The following DNAH10 variants were observed in gnomAD, a reference collection of about 807,000 sequenced individuals.
DNAH10 encodes axonemal beta dynein heavy chain 10.
Under a neutral mutation model 506.6 loss-of-function variants are expected in DNAH10, and 348 were observed. The observed-to-expected ratio is 0.69, with a 90% CI of 0.63 to 0.75. The LOEUF (loss-of-function observed/expected upper bound fraction) is 0.75. Ranked by LOEUF, DNAH10 falls within the 30% of genes least tolerant of loss-of-function variation. DNAH10 has a pLI of 0.00. For synonymous variants in DNAH10, 2,059 were observed against 2,198.6 expected, an observed-to-expected ratio of 0.94 and a Z score of 1.78; for missense variants, 5,179 against 5,787.1, an observed-to-expected ratio of 0.89 and a Z score of 3.41.
At position 123,913,004 on chromosome 12, in the gene DNAH10, G is replaced by C. The variant is rs1038624222; in HGVS notation, c.10135-94G>C. On this transcript the variant is annotated intron_variant, in intron 59 of 78. Coordinates refer to ENST00000673944, the MANE Select transcript of DNAH10 (RefSeq NM_001372106.1). The surrounding 1 kb of genome is among the most constrained non-coding windows in gnomAD (Gnocchi z 5.1). ...GCTCTGAAAAGCACAGACACCATTA[G>C]AGCAGTTTAGACATGTGGCCTGGTT... 1.7e-6 allele frequency: 2 copies of C among 1,183,968 alleles called. No homozygotes were observed. Among genetic ancestry groups the C allele is most frequent in the South Asian group, 3.0e-5 (2 of 67,064 alleles). 73.3% of individuals were successfully genotyped at this position (1,183,968 alleles called of 1,614,324 possible).
chr12:123,835,546 A>C lies in DNAH10; in HGVS notation c.4902+18A>C, dbSNP rs1244508034. 1 of 1,601,278 alleles carries C rather than the reference A, an allele frequency of 6.2e-7. No individual in the cohort carries two copies. The highest frequency in any genetic ancestry group is 1.1e-5 in the South Asian group (1 of 88,186). ...TTAAAAGGGCAAGTGACTCGCTTCT[A>C]TTTTAGTAATGAAAGAAGGGCAGCG... is the stretch of plus-strand genomic sequence containing the variant. On this transcript the variant is annotated intron_variant, in intron 28 of 78. Coordinates refer to ENST00000673944, the MANE Select transcript of DNAH10 (RefSeq NM_001372106.1).
At chr12:123,794,250 T>G (rs1031752320) in intron 12 of DNAH10, 138 bp downstream of exon 12, 9 of 559,748 alleles carry the variant, frequency 1.6e-5, no homozygotes, top group Non-Finnish European at 2.2e-5. Context: ...TGTTACGTAA[T>G]ACACGTAACC....
intron 25 of DNAH10, among the ~76,000 whole-genome samples, chr12:123,829,353 C>A (rs897026087): frequency 2.0e-5 from 3 of 152,176 alleles, no homozygotes; most frequent in Middle Eastern, 3.2e-3. Flanking sequence ...ACCTCTGGGG[C>A]ACTTGCACAG....
intron 56 of DNAH10, among the ~76,000 whole-genome samples, chr12:123,901,407 G>C (rs1216727509): frequency 6.6e-6 from 1 of 152,232 alleles, no homozygotes; most frequent in Non-Finnish European, 1.5e-5. Flanking sequence ...TGCTGCCCCA[G>C]GGACAAGTAG....
At chr12:123,779,136 C>A (rs763154487) in intron 5 of DNAH10, among the ~76,000 whole-genome samples, 4 of 152,078 alleles carry the variant, frequency 2.6e-5, no homozygotes, top group Non-Finnish European at 5.9e-5. Flanking sequence ...ATCTCCTGAC[C>A]TCGCGATTCA....
At chr12:123,855,755 G>T (rs939907959) in intron 36 of DNAH10, among the ~76,000 whole-genome samples, 2 of 150,938 alleles carry the variant, frequency 1.3e-5, no homozygotes, top group Admixed American at 1.3e-4. Context: ...ATACCCCTCT[G>T]TAAGGTGGGG....
rs371081020 is a variant in DNAH10 at position 123,918,615 on chromosome 12, T to C, written c.11233-61T>C. ...TACCTCTCTGCTGTCCCCCTGCCCC[T>C]CCTGCCCTCTGCCCACATCTCAGTC... On this transcript the variant is annotated intron_variant, in intron 64 of 78. Coordinates refer to ENST00000673944, the MANE Select transcript of DNAH10 (RefSeq NM_001372106.1). The C allele has an allele frequency of 1.7e-5, 25 of 1,514,826 alleles. No individual in the cohort carries two copies. The African/African-American group carries it at 1.9e-4, about 12-fold the overall frequency. 93.8% of individuals were successfully genotyped at this position (1,514,826 alleles called of 1,614,324 possible). A position where few individuals can be genotyped will look rare whatever the true frequency, so the allele number is the denominator to read the frequency against.
At chr12:123,808,690 A>T (rs1958808881) in intron 18 of DNAH10, 107 bp from the exon 19 acceptor site, 5 of 1,193,482 alleles carry the variant, frequency 4.2e-6, no homozygotes, top group Middle Eastern at 2.0e-4. Flanking sequence ...ACAGTGTGCC[A>T]TTGCCTGTAC....
Position 123,918,673 on chromosome 12 carries a change from C to T in DNAH10, c.11233-3C>T, listed in dbSNP as rs778982056. 1.3e-6 allele frequency: 2 copies of T among 1,543,680 alleles called. No homozygotes were observed. The highest frequency in any genetic ancestry group is 3.9e-5 in the Admixed American group (2 of 51,174). ...TTCCAGGGTCACCTGTGCTTTTCTT[C>T]AGGTCTCAGAGAAACTCAAGCTGGC... is the stretch of plus-strand genomic sequence containing the variant. On this transcript the variant is annotated splice_region_variant and splice_polypyrimidine_tract_variant and intron_variant, in intron 64 of 78. Transcript: ENST00000673944.
intron 62 of DNAH10, among the ~76,000 whole-genome samples, chr12:123,915,205 C>T (rs905320308): frequency 1.2e-4 from 17 of 147,368 alleles, no homozygotes; most frequent in African/African-American, 4.4e-4. Context: ...CCGCCATGAA[C>T]TCTGCCTCTC....
chr12:123,783,926 T>C, intron 7 of DNAH10, 21 bp from the exon 8 acceptor site: 1 of 1,602,030 alleles, frequency 6.2e-7, no homozygotes, highest in South Asian at 1.1e-5. Flanking sequence ...GAGTTCTTTG[T>C]GTGTTCATTT....
intron 50 of DNAH10, 78 bp downstream of exon 50, chr12:123,879,879 G>A (rs915986179): frequency 8.5e-6 from 13 of 1,523,256 alleles, no homozygotes; most frequent in Non-Finnish European, 1.2e-5. Context: ...CATCGCGCGG[G>A]TGCCCGGGAG....
At chr12:123,893,678 A>G (rs539150442) in intron 53 of DNAH10, among the ~76,000 whole-genome samples, 1 of 152,174 alleles carries the variant, frequency 6.6e-6, no homozygotes, top group East Asian at 1.9e-4. Context: ...CCCGCAGTGC[A>G]TGGACGGTGG....
At chr12:123,839,857 A>G (rs1031933289) in intron 29 of DNAH10, among the ~76,000 whole-genome samples, 27 of 152,092 alleles carry the variant, frequency 1.8e-4, no homozygotes, top group Admixed American at 6.6e-5. Context: ...CCACAATTTC[A>G]CACTTTTTAA....
In DNAH10 at chr12:123,926,601, C is replaced by T. The variant is rs967117289; in HGVS notation, c.11922-36C>T. 1.2e-5 allele frequency: 19 copies of T among 1,599,572 alleles called. No individual in the cohort carries two copies. Among genetic ancestry groups the T allele is most frequent in the Admixed American group, 5.1e-5 (3 of 58,370 alleles). On this transcript the variant is annotated intron_variant, in intron 68 of 78. Coordinates refer to ENST00000673944, the MANE Select transcript of DNAH10 (RefSeq NM_001372106.1). This position sits in a 1 kb window ranked among gnomAD's most constrained non-coding sequence, Gnocchi z 4.1. Reference sequence around the variant, plus strand: ...CCAGCCCCTGGTCTGGAGCTGTCCTCGCGGGAGAGTTTTCTGACTGTGTTT... The same window carrying T: ...CCAGCCCCTGGTCTGGAGCTGTCCTTGCGGGAGAGTTTTCTGACTGTGTTT...
At chr12:123,866,337 A>G (rs1951808796) in intron 41 of DNAH10, among the ~76,000 whole-genome samples, 2 of 132,990 alleles carry the variant, frequency 1.5e-5, no homozygotes, top group South Asian at 2.5e-4. Context: ...TCCGCCTCCC[A>G]GGTTCATGCC....
chr12:123,818,928 G>A (rs1565944251), intron 21 of DNAH10, 22 bp from the exon 22 acceptor site: 2 of 1,500,596 alleles, frequency 1.3e-6, no homozygotes, highest in African/African-American at 1.4e-5. Flanking sequence ...TGTTTATTCT[G>A]TTTTTTGTTT....
At chr12:123,898,944 T>C (rs1008856012) in intron 56 of DNAH10, 130 bp downstream of exon 56, 1 of 1,353,122 alleles carries the variant, frequency 7.4e-7, no homozygotes, top group Non-Finnish European at 9.8e-7. Context: ...GTGAAACTGC[T>C]TGTAGGCACT....
Position 123,826,786 on chromosome 12 carries a change from C to A in DNAH10, c.4279C>A (p.Pro1427Thr). The A allele has an allele frequency of 6.2e-7, 1 of 1,614,016 alleles. No individual in the cohort carries two copies. The highest frequency in any genetic ancestry group is 8.5e-7 in the Non-Finnish European group (1 of 1,179,882). The change falls in exon 25 of 79, where the codon CCT becomes ACT. Residue 1427 changes from proline to threonine, a missense_variant. Transcript: ENST00000673944. Reference sequence around the variant, plus strand: ...TTTTCTCAGGGCTCTCAGAAAGCTACCTCGGCCAGTCCGTGGCTTATCAGT... The same window carrying A: ...TTTTCTCAGGGCTCTCAGAAAGCTAACTCGGCCAGTCCGTGGCTTATCAGT... ...EGFLRALRKL[P>T]RPVRGLSVTY...
Sources: gnomAD v4.1 joint callset for allele counts (sites outside exome capture counted in the v4.1 genomes callset) on GRCh38, gnomAD v4.1.1 for gene constraint, Gnocchi (gnomAD v3.1) non-coding constraint, MANE v1.5 for transcripts, NCBI Gene and HGNC (gene_info 2026-07-23, HGNC 2026-07-21) for gene names.